The following ZNF584 variants were observed in gnomAD, a reference collection of about 807,000 sequenced individuals.
ZNF584 encodes zinc finger protein 584.
ZNF584 carries 12 observed loss-of-function variants against 14.7 expected under a neutral mutation model. The observed-to-expected ratio is 0.82, with a 90% confidence interval of 0.52 to 1.32. The LOEUF (loss-of-function observed/expected upper bound fraction) is 1.32, where lower values mean the gene tolerates loss of function less well. ZNF584 is among the 40% of genes most tolerant of loss of function. The pLI is 0.00. For missense variants in ZNF584, 478 were observed against 518.8 expected (o/e 0.92, Z 0.76); for synonymous variants, 204 against 190.9 (o/e 1.07, Z -0.57).
At chr19:58,414,128 T>C (rs996696317) in intron 2 of ZNF584, among the ~76,000 whole-genome samples, 5 of 152,048 alleles carry the variant, frequency 3.3e-5, no homozygotes, top group African/African-American at 1.2e-4. Context: ...CCTGTGTTTT[T>C]ATTTTCATTC....
chr19:58,406,352 G>C (rs1172970790), upstream of ZNF584: 2 of 61,574 alleles, frequency 3.2e-5, no homozygotes, highest in African/African-American at 7.9e-5. Context: ...AGCGGGGGGG[G>C]GGGGAGGGGG....
intron 2 of ZNF584, among the ~76,000 whole-genome samples, chr19:58,415,106 G>A (rs1477316932): frequency 6.6e-6 from 1 of 151,946 alleles, no homozygotes; most frequent in East Asian, 1.9e-4. Flanking sequence ...TGTTAGCCAG[G>A]ATAGTCTTGA....
chr19:58,417,703 C>A lies in ZNF584; in HGVS notation c.1185C>A (p.Ser395=), dbSNP rs777361831. ...GTGGGAAGGCCTTCAAACATAGTTC[C>A]ACCCTCCTTCAGCACAAGAAAGTCC... is the stretch of plus-strand genomic sequence containing the variant. ...TECGKAFKHS[S]TLLQHKKVHT... The change falls in exon 4 of 4, where the codon TCC becomes TCA. Residue 395 remains serine (S), a synonymous_variant. Coordinates refer to ENST00000306910, the MANE Select transcript of ZNF584 (RefSeq NM_173548.3). 2.5e-5 allele frequency: 40 copies of A among 1,614,000 alleles called. No homozygotes were observed. The East Asian group carries it at 8.9e-4, about 36-fold the overall frequency.
chr19:58,404,413 A>G (rs558848430), upstream of ZNF584: 157 of 151,956 alleles, frequency 1.0e-3, 3 homozygotes, highest in South Asian at 0.029. Context: ...TGGGTACTTG[A>G]GATTAGGGAG....
upstream of ZNF584, chr19:58,406,229 CGCAGGCACTCG>C (rs2052471416): frequency 6.4e-6 from 1 of 155,910 alleles, no homozygotes; most frequent in South Asian, 1.9e-4. Context: ...CGCCTGCAAT[CGCAGGCACTCG>C]GCAGGCTGAG....
At chr19:58,406,335 TGGAAAGAGC>T (rs1180043310), upstream of ZNF584, 25 of 24,754 alleles carry the variant, frequency 1.0e-3, no homozygotes, top group African/African-American at 1.6e-3. Flanking sequence ...AGGGAGACCG[TGGAAAGAGC>T]GGGGGGGGGG....
intron 3 of ZNF584, 42 bp from the exon 4 acceptor site, chr19:58,416,769 C>T: frequency 6.6e-7 from 1 of 1,516,696 alleles, no homozygotes; most frequent in Non-Finnish European, 8.8e-7. Context: ...GTACCTCCTC[C>T]CTCTAGTTCA....
rs778855685 is a variant in ZNF584, at chr19:58,408,765, C to T, written c.-383C>T. On this transcript the variant is annotated 5_prime_UTR_variant, in exon 1 of 4. Transcript: ENST00000306910. Reference sequence around the variant, plus strand: ...GGAGTTCCGGGAGTTCCGGCGTTGCCCGGCAGTCCGCAGTCCTCGGCGGGA... The same window carrying T: ...GGAGTTCCGGGAGTTCCGGCGTTGCTCGGCAGTCCGCAGTCCTCGGCGGGA... 32 of 199,194 alleles carry T rather than the reference C, an allele frequency of 1.6e-4. No individual in the cohort carries two copies. Among genetic ancestry groups the T allele is most frequent in the Non-Finnish European group, 2.7e-4 (26 of 97,472 alleles). The allele number at this position is 199,194 out of a possible 1,614,324, so 12.3% of individuals were successfully genotyped here. A position where few individuals can be genotyped will look rare whatever the true frequency, so the allele number is the denominator to read the frequency against.
chr19:58,417,684 A>G lies in ZNF584; in HGVS notation c.1166A>G (p.Lys389Arg). 1 of 1,614,026 alleles carries G rather than the reference A, an allele frequency of 6.2e-7. No homozygotes were observed. The highest frequency in any genetic ancestry group is 1.7e-5 in the Admixed American group (1 of 60,012). The stretch of plus-strand genomic sequence containing the variant: ...TCTTATGAATGTACAGAGTGTGGGA[A>G]GGCCTTCAAACATAGTTCCACCCTC... ...ERSYECTECG[K>R]AFKHSSTLLQ... The change falls in exon 4 of 4, where the codon AAG (lysine) becomes AGG (arginine). Residue 389 changes from lysine (K) to arginine (R), a missense_variant. Physicochemically the swap from Lys to Arg is conservative, Grantham distance 26 (BLOSUM62 2). Transcript: ENST00000306910.
chr19:58,403,402 GAC>G (rs1052131021), intron 1 of ZNF584, among the ~76,000 whole-genome samples: 1 of 151,650 alleles, frequency 6.6e-6, no homozygotes, highest in African/African-American at 2.4e-5. Flanking sequence ...ATTGGTAAGT[GAC>G]AGAAGCCAGA....
chr19:58,409,129 G>T lies in ZNF584; in HGVS notation c.-19G>T. On this transcript the variant is annotated 5_prime_UTR_variant, in exon 1 of 4. Transcript: ENST00000306910. ...CTGAGGCCGTGGGTCCAGTCCACGGGTTCTGCCCGCACGGTCCAATGGCCG... is the reference window on the plus strand; with the variant it reads ...CTGAGGCCGTGGGTCCAGTCCACGGTTTCTGCCCGCACGGTCCAATGGCCG... 1 of 1,461,064 alleles carries T rather than the reference G, an allele frequency of 6.8e-7. No homozygotes were observed. Among genetic ancestry groups the T allele is most frequent in the Non-Finnish European group, 9.1e-7 (1 of 1,098,156 alleles). 90.5% of individuals were successfully genotyped at this position (1,461,064 alleles called of 1,614,324 possible). A position where few individuals can be genotyped will look rare whatever the true frequency, so the allele number is the denominator to read the frequency against.
At chr19:58,410,625 G>GTA (rs1293130945) in intron 2 of ZNF584, among the ~76,000 whole-genome samples, 1 of 41,678 alleles carries the variant, frequency 2.4e-5, no homozygotes, top group Non-Finnish European at 4.0e-5. Context: ...GTATATATGT[G>GTA]TATATATGTG....
At chr19:58,413,928 C>T (rs538445651) in intron 2 of ZNF584, among the ~76,000 whole-genome samples, 13 of 152,048 alleles carry the variant, frequency 8.5e-5, no homozygotes, top group South Asian at 2.1e-4. Context: ...ATGCCATTCT[C>T]CTGCCTCAGC....
upstream of ZNF584, chr19:58,407,405 G>A (rs1171881371): frequency 1.3e-5 from 2 of 152,232 alleles, no homozygotes; most frequent in East Asian, 3.8e-4. Context: ...GCAGTGCCTG[G>A]AATCTTACAG....
intron 1 of ZNF584, 75 bp from the exon 2 acceptor site, chr19:58,409,866 A>G: frequency 1.3e-6 from 2 of 1,580,126 alleles, no homozygotes; most frequent in Non-Finnish European, 8.7e-7. Context: ...GGACCCTGAG[A>G]TACAGGTCAA....
In ZNF584 at chr19:58,416,870, G is replaced by A; in HGVS notation, c.352G>A (p.Val118Ile). ...TCCTGAGCATCTAAAGAGCTACAGA[G>A]TCATCCAGCACCAGGACACTCATAG... ...AHPEHLKSYRVIQHQDTHSEG... is the reference protein window; with the variant it reads ...AHPEHLKSYRIIQHQDTHSEG... The change falls in exon 4 of 4, where the codon GTC becomes ATC. Residue 118 changes from valine to isoleucine, a missense_variant. Val to Ile is a conservative substitution (Grantham distance 29). Coordinates refer to ENST00000306910, the MANE Select transcript of ZNF584 (RefSeq NM_173548.3). 3.1e-6 allele frequency: 5 copies of A among 1,602,924 alleles called. No homozygotes were observed. Among genetic ancestry groups the A allele is most frequent in the Non-Finnish European group, 4.3e-6 (5 of 1,174,580 alleles).
chr19:58,415,258 T>C (rs1322350942), intron 2 of ZNF584, among the ~76,000 whole-genome samples: 3 of 152,126 alleles, frequency 2.0e-5, no homozygotes, highest in Admixed American at 2.0e-4. Flanking sequence ...GGTGTGATCG[T>C]GACTCACTGA....
chr19:58,416,790 A>C, intron 3 of ZNF584, 21 bp from the exon 4 acceptor site: 1 of 1,525,662 alleles, frequency 6.6e-7, no homozygotes, highest in Non-Finnish European at 8.8e-7. Context: ...ACTCTTAGTA[A>C]TGATTCATCT....
intron 2 of ZNF584, among the ~76,000 whole-genome samples, chr19:58,413,415 G>A (rs2052600538): frequency 1.3e-5 from 2 of 151,352 alleles, no homozygotes; most frequent in Admixed American, 6.6e-5. Flanking sequence ...GTGCGATCTC[G>A]GCTCAATGCA....
Sources: gnomAD v4.1 joint callset for allele counts (sites outside exome capture counted in the v4.1 genomes callset) on GRCh38, gnomAD v4.1.1 for gene constraint, MANE v1.5 for transcripts, NCBI Gene and HGNC (gene_info 2026-07-23, HGNC 2026-07-21) for gene names.